The following ASAH2 variants were observed in gnomAD, a reference collection of about 807,000 sequenced individuals.
ASAH2 encodes the protein neutral ceramidase.
In ASAH2, 58 loss-of-function variants were observed where a neutral mutation model predicts 82.9. The observed-to-expected ratio is 0.70, with a 90% CI of 0.57 to 0.87. The LOEUF (loss-of-function observed/expected upper bound fraction) is 0.87. Among genes scored for constraint, ASAH2 ranks in the 40% least tolerant of loss-of-function variants. The probability of loss-of-function intolerance (pLI) is 0.00; values close to 1 mark genes in which losing one functional copy is unlikely to be tolerated. For synonymous variants in ASAH2, 276 were observed against 289.7 expected, an observed-to-expected ratio of 0.95 and a Z score of 0.48; for missense variants, 779 against 834.0, an observed-to-expected ratio of 0.93 and a Z score of 0.81.
intron 2 of ASAH2, among the ~76,000 whole-genome samples, chr10:50,246,007 CT>C (rs1326812496): frequency 2.0e-5 from 3 of 152,150 alleles, no homozygotes; most frequent in African/African-American, 7.2e-5. Context: ...ACCTAGATCA[CT>C]GTATACATGT....
intron 7 of ASAH2, among the ~76,000 whole-genome samples, chr10:50,229,237 T>G (rs1845968820): frequency 6.6e-6 from 1 of 152,114 alleles, no homozygotes; most frequent in Admixed American, 6.6e-5. Context: ...TTACAGAGTC[T>G]CCCAAAGTGA....
rs1005804489 is a variant in ASAH2, at chr10:50,206,646, C to T, written c.1415-549G>A. Among the ~76,000 whole-genome samples the T allele has an allele frequency of 1.4e-3, 213 of 150,984 alleles. 7 individuals carry two copies. In the East Asian group the frequency reaches 0.029, roughly 21 times the overall value. ...GGTAAAAGGTTTTGTAACTATAAAA[C>T]TTATGAATTAAGAATCTATACTCTA... On this transcript the variant is annotated intron_variant, in intron 12 of 20. Coordinates refer to ENST00000682911, the MANE Select transcript of ASAH2 (RefSeq NM_019893.4).
At chr10:50,199,201 C>T in intron 16 of ASAH2, 55 bp from the exon 17 acceptor site, 1 of 1,591,678 alleles carries the variant, frequency 6.3e-7, no homozygotes, top group East Asian at 2.2e-5. Flanking sequence ...AATCCATTTA[C>T]AGAGGTGTAG....
intron 8 of ASAH2, among the ~76,000 whole-genome samples, chr10:50,216,676 TC>T (rs1845610162): frequency 3.6e-4 from 5 of 13,728 alleles, no homozygotes; most frequent in Non-Finnish European, 2.0e-3. Context: ...GTATATTTTC[TC>T]TCTCTCTTCA....
At chr10:50,208,030 G>A (rs933441733) in intron 12 of ASAH2, among the ~76,000 whole-genome samples, 2 of 151,894 alleles carry the variant, frequency 1.3e-5, no homozygotes, top group East Asian at 1.9e-4. Flanking sequence ...GATTAATGCA[G>A]TACAACATAT....
In ASAH2 at chr10:50,243,320, T is replaced by C; in HGVS notation, c.392A>G (p.Gln131Arg). The part of the protein sequence containing the change: ...MGYGKSGQNA[Q>R]GILTRLYSRA... ...ACTGTATAGCCTGGTGAGGATGCCC[T>C]GTGCATTCTGGCCGGATTTGCCATA... The change falls in exon 4 of 21, where the codon CAG (glutamine) becomes CGG (arginine). Residue 131 changes from glutamine (Q) to arginine (R), a missense_variant. By Grantham distance (43) the Gln-to-Arg change is conservative (BLOSUM62 1). This residue lies in a region of ASAH2 where 759 missense variants were observed against 755.2 expected (regional missense o/e 1.00). Coordinates refer to ENST00000682911, the MANE Select transcript of ASAH2 (RefSeq NM_019893.4). The C allele has an allele frequency of 2.5e-6, 4 of 1,614,082 alleles. No individual in the cohort carries two copies. Among genetic ancestry groups the C allele is most frequent in the Non-Finnish European group, 3.4e-6 (4 of 1,179,954 alleles).
In ASAH2 at chr10:50,234,457, A is replaced by C. The variant is rs753088422; in HGVS notation, c.783T>G (p.Ser261=). The change falls in exon 6 of 21, where the codon TCT becomes TCG. Residue 261 remains serine, a synonymous_variant. Coordinates refer to ENST00000682911, the MANE Select transcript of ASAH2 (RefSeq NM_019893.4). ...DGVQINRSPY[S]YLQNPQSERA... ...TCTCTGACTGCGGATTTTGAAGGTA[A>C]GAATACGGACTTCTGTTGATCTGCA... is the stretch of plus-strand genomic sequence containing the variant. 8.7e-6 allele frequency: 14 copies of C among 1,612,956 alleles called. No individual in the cohort carries two copies. In the South Asian group the frequency reaches 1.3e-4, roughly 15 times the overall value.
At chr10:50,198,487 T>C (rs1208084198) in intron 17 of ASAH2, 2 of 155,758 alleles carry the variant, frequency 1.3e-5, no homozygotes, top group Non-Finnish European at 2.9e-5. Context: ...ACAACTCATA[T>C]TATCTTTTGA....
chr10:50,223,180 A>C (rs1483386688), intron 7 of ASAH2, among the ~76,000 whole-genome samples: 1 of 152,242 alleles, frequency 6.6e-6, no homozygotes, highest in African/African-American at 2.4e-5. Flanking sequence ...GAATCAGTAA[A>C]CAACATATTA....
rs185867420 is a variant in ASAH2, at chr10:50,242,725, C to T, written c.510+477G>A. Among the ~76,000 whole-genome samples, 5 of 152,228 alleles carry T rather than the reference C, an allele frequency of 3.3e-5. No individual in the cohort carries two copies. In the East Asian group the frequency reaches 9.6e-4, roughly 29 times the overall value. ...ATAATCAGAATGCTATAATGAATCC[C>T]TATGTGCCTATTACCCAGCTTCTAT... is the stretch of plus-strand genomic sequence containing the variant. On this transcript the variant is annotated intron_variant, in intron 4 of 20. Transcript: ENST00000682911.
rs1192318615 is a variant in ASAH2 at position 50,248,366 on chromosome 10, G to C, written c.127+118C>G. On this transcript the variant is annotated intron_variant, in intron 2 of 20. Coordinates refer to ENST00000682911, the MANE Select transcript of ASAH2 (RefSeq NM_019893.4). ...ATGCAAAGGGAGACGGCTATTCCAG[G>C]CTGCTTAAGTACACGTAGAACTATC... The C allele has an allele frequency of 1.0e-5, 13 of 1,252,966 alleles. No individual in the cohort carries two copies. The East Asian group carries it at 1.7e-4, about 16-fold the overall frequency. The allele number at this position is 1,252,966 out of a possible 1,614,324, so 77.6% of individuals were successfully genotyped here. A position where few individuals can be genotyped will look rare whatever the true frequency, so the allele number is the denominator to read the frequency against.
Position 50,248,501 on chromosome 10 carries a change from G to A in ASAH2, c.110C>T (p.Thr37Ile). The A allele has an allele frequency of 6.2e-7, 1 of 1,613,662 alleles. No individual in the cohort carries two copies. Among genetic ancestry groups the A allele is most frequent in the South Asian group, 1.1e-5 (1 of 91,068 alleles). Reference protein sequence around the residue: ...LLSLLFITSGTIENHKDLGGH... With the variant: ...LLSLLFITSGIIENHKDLGGH... ...ACACTTGCCTTTGTGGTTTTCAATG[G>A]TCCCACTGGTGATAAACAAGAGGCT... is the stretch of plus-strand genomic sequence containing the variant. Residue 37 changes from threonine to isoleucine, a missense_variant, in exon 2 of 21, where the codon ACC becomes ATC. By Grantham distance (89) the Thr-to-Ile change is moderately conservative. Coordinates refer to ENST00000682911, the MANE Select transcript of ASAH2 (RefSeq NM_019893.4).
chr10:50,220,702 T>C (rs1050738658), intron 7 of ASAH2, among the ~76,000 whole-genome samples: 54 of 152,218 alleles, frequency 3.5e-4, no homozygotes, highest in African/African-American at 1.3e-3. Context: ...TGAAATAATC[T>C]GTACAATGAA....
chr10:50,219,983 A>G (rs909771856), intron 7 of ASAH2, among the ~76,000 whole-genome samples: 1 of 152,214 alleles, frequency 6.6e-6, no homozygotes, highest in African/African-American at 2.4e-5. Flanking sequence ...CCATGTTTTC[A>G]TATGTATTTA....
intron 5 of ASAH2, among the ~76,000 whole-genome samples, 199 bp from the exon 6 acceptor site, chr10:50,234,751 G>A (rs1199345281): frequency 2.6e-5 from 4 of 152,022 alleles, no homozygotes; most frequent in Non-Finnish European, 4.4e-5. Flanking sequence ...GTTGAGATAA[G>A]GGAAATGCCG....
intron 3 of ASAH2, among the ~76,000 whole-genome samples, chr10:50,244,113 T>C (rs1846379592): frequency 6.6e-6 from 1 of 152,048 alleles, no homozygotes; most frequent in African/African-American, 2.4e-5. Flanking sequence ...TGGAGGGAAA[T>C]TTTATAGGGT....
chr10:50,213,926 G>T (rs1468707163), intron 9 of ASAH2, among the ~76,000 whole-genome samples: 1 of 152,098 alleles, frequency 6.6e-6, no homozygotes, highest in South Asian at 2.1e-4. Context: ...CAGGTGAAAT[G>T]TTCTACAAAC....
intron 15 of ASAH2, 49 bp from the exon 16 acceptor site, chr10:50,202,973 A>T: frequency 6.9e-6 from 8 of 1,167,272 alleles, no homozygotes; most frequent in Non-Finnish European, 1.0e-5. Context: ...ATCTTTACGT[A>T]TATTTTCATT....
rs150599615 is a variant in ASAH2 at position 50,187,084 on chromosome 10, C to CTCTCT, written c.*230_*231insAGAGA. On this transcript the variant is annotated 3_prime_UTR_variant, in exon 21 of 21. Transcript: ENST00000682911. Reference sequence around the variant, plus strand: ...GCTGGAGCAAGATATATGGGACAAACCTCTCTCTCTCTCTCTCTCTCTCTC... The same window carrying CTCTCT: ...GCTGGAGCAAGATATATGGGACAAACTCTCTCTCTCTCTCTCTCTCTCTCTCTCTC... 0.016 allele frequency: 2,960 copies of CTCTCT among 182,980 alleles called. 128 individuals are homozygous for CTCTCT. The highest frequency in any genetic ancestry group is 0.051 in the East Asian group (387 of 7,592). The allele number at this position is 182,980 out of a possible 1,614,324, so 11.3% of individuals were successfully genotyped here.
Sources: gnomAD v4.1 joint callset for allele counts (sites outside exome capture counted in the v4.1 genomes callset) on GRCh38, gnomAD v4.1.1 for gene constraint, gnomAD v4.1.1 regional missense constraint, MANE v1.5 for transcripts, NCBI Gene and HGNC (gene_info 2026-07-23, HGNC 2026-07-21) for gene names.